The following HMGA2 variants were observed in gnomAD, a reference collection of about 807,000 sequenced individuals.
HMGA2 encodes the protein high mobility group protein HMGI-C.
A neutral mutation model predicts 19.1 loss-of-function variants in HMGA2; 8 were observed. The observed-to-expected ratio is 0.42, with a 90% CI of 0.25 to 0.76. The LOEUF is 0.76. Among genes scored for constraint, HMGA2 ranks in the 30% least tolerant of loss-of-function variants. The probability of loss-of-function intolerance (pLI) is 0.28; values close to 1 mark genes in which losing one functional copy is unlikely to be tolerated. For missense variants in HMGA2, 109 were observed against 136.3 expected, an observed-to-expected ratio of 0.80 and a Z score of 1.00; for synonymous variants, 60 against 48.8, an observed-to-expected ratio of 1.23 and a Z score of -0.96.
chr12:65,844,772 G>C (rs1003507374), intron 3 of HMGA2, among the ~76,000 whole-genome samples: 1 of 152,206 alleles, frequency 6.6e-6, no homozygotes, highest in African/African-American at 2.4e-5. Flanking sequence ...AGAGTCTGAA[G>C]CTCCAGTGGC....
intron 4 of HMGA2, chr12:65,957,716 G>T (rs185791172): frequency 1.8e-4 from 27 of 152,176 alleles, no homozygotes; most frequent in Non-Finnish European, 8.8e-5. Context: ...TAAAAAAATG[G>T]CCCTTTATCC....
chr12:65,907,816 G>T (rs1241800686), intron 3 of HMGA2, among the ~76,000 whole-genome samples: 1 of 152,144 alleles, frequency 6.6e-6, no homozygotes, highest in Non-Finnish European at 1.5e-5. Flanking sequence ...AGCTGCACTG[G>T]ATAGTAATGA....
At chr12:65,845,297 T>C (rs977572310) in intron 3 of HMGA2, among the ~76,000 whole-genome samples, 9 of 152,124 alleles carry the variant, frequency 5.9e-5, no homozygotes, top group Admixed American at 4.6e-4. Context: ...TCGAGACAGT[T>C]TCGCTCTGTC....
chr12:65,921,258 T>G (rs1875296885), intron 3 of HMGA2, among the ~76,000 whole-genome samples: 1 of 152,136 alleles, frequency 6.6e-6, no homozygotes, highest in African/African-American at 2.4e-5. Flanking sequence ...ATTCAGTTTT[T>G]GTTTTTGTTT....
At chr12:65,858,735 C>CA (rs34693274) in intron 3 of HMGA2, 1 of 152,130 alleles carries the variant, frequency 6.6e-6, no homozygotes, top group Non-Finnish European at 1.5e-5. Flanking sequence ...CATAAAACCA[C>CA]AAAAAACCTC....
At chr12:65,884,898 G>A (rs539705745) in intron 3 of HMGA2, among the ~76,000 whole-genome samples, 24 of 152,248 alleles carry the variant, frequency 1.6e-4, no homozygotes, top group Non-Finnish European at 2.4e-4. Flanking sequence ...TATGTAAAGT[G>A]CTTCAAATTG....
intron 3 of HMGA2, among the ~76,000 whole-genome samples, chr12:65,864,507 T>C (rs1018743929): frequency 2.0e-5 from 3 of 152,224 alleles, no homozygotes; most frequent in Non-Finnish European, 4.4e-5. Flanking sequence ...TTGACTATTT[T>C]GTAGATAGCA....
At chr12:65,891,953 G>A (rs547553264) in intron 3 of HMGA2, among the ~76,000 whole-genome samples, 81 of 152,318 alleles carry the variant, frequency 5.3e-4, no homozygotes, top group Non-Finnish European at 9.4e-4. Flanking sequence ...CCTGTTTGCT[G>A]CATCTCTCAG....
chr12:65,956,906 T>C (rs1876621437), intron 4 of HMGA2: 2 of 152,246 alleles, frequency 1.3e-5, no homozygotes, highest in Admixed American at 6.5e-5. Flanking sequence ...CCCAAATTAA[T>C]GTGGAACAAA....
At chr12:65,882,239 CT>C in intron 3 of HMGA2, 1 of 314,094 alleles carries the variant, frequency 3.2e-6, no homozygotes, top group South Asian at 3.0e-5. Flanking sequence ...CCCTGCCCAC[CT>C]TTTCTGTTCA....
chr12:65,857,651 T>C (rs766922021), intron 3 of HMGA2: 2 of 152,226 alleles, frequency 1.3e-5, no homozygotes, highest in African/African-American at 2.4e-5. Context: ...AATATTCATT[T>C]ATCAATTTGG....
chr12:65,931,451 T>C (rs75469196), intron 3 of HMGA2, among the ~76,000 whole-genome samples: 119 of 152,064 alleles, frequency 7.8e-4, no homozygotes, highest in African/African-American at 2.7e-3. Context: ...TTGAAAGACT[T>C]AAGAGATTTT....
chr12:65,863,219 TG>T lies in HMGA2; in HGVS notation c.249+24651del, dbSNP rs1364547139. 5.3e-5 allele frequency among the ~76,000 whole-genome samples: 8 copies of T among 152,380 alleles called. 1 individual carries two copies. The highest frequency in any genetic ancestry group is 1.9e-4 in the African/African-American group (8 of 41,598). ...TTTGCCTCTGGAAAAGTTAAGGTTT[TG>T]TTGTGCAATTAGCTTTACAGAATGG... On this transcript the variant is annotated intron_variant, in intron 3 of 4. Coordinates refer to ENST00000403681, the MANE Select transcript of HMGA2 (RefSeq NM_003483.6).
intron 3 of HMGA2, chr12:65,867,637 A>G (rs1227978175): frequency 1.5e-5 from 5 of 332,044 alleles, no homozygotes; most frequent in South Asian, 9.9e-5. Flanking sequence ...AGTGGAGGAT[A>G]TGAGTCTTGT....
intron 3 of HMGA2, among the ~76,000 whole-genome samples, chr12:65,950,934 T>A (rs1393037482): frequency 6.6e-6 from 1 of 152,122 alleles, no homozygotes; most frequent in Non-Finnish European, 1.5e-5. Flanking sequence ...GAATAGACAT[T>A]TTTGTTTTTT....
intron 3 of HMGA2, among the ~76,000 whole-genome samples, chr12:65,875,512 C>CTCACGGGT (rs1422878198): frequency 3.3e-5 from 5 of 150,470 alleles, no homozygotes; most frequent in Non-Finnish European, 4.4e-5. Context: ...CAACCTCCAC[C>CTCACGGGT]TCACGGGTTC....
chr12:65,952,462 G>T, intron 4 of HMGA2: 1 of 1,531,482 alleles, frequency 6.5e-7, no homozygotes, highest in African/African-American at 1.4e-5. Context: ...CACATGAAAG[G>T]ATCCAAGGAA....
chr12:65,862,438 T>G (rs1056738869), intron 3 of HMGA2, among the ~76,000 whole-genome samples: 1 of 152,156 alleles, frequency 6.6e-6, no homozygotes, highest in African/African-American at 2.4e-5. Flanking sequence ...CTAAATGTCT[T>G]AGGTAGTTCT....
chr12:65,953,412 G>C (rs1390902803), intron 4 of HMGA2: 1 of 152,258 alleles, frequency 6.6e-6, no homozygotes, highest in East Asian at 1.9e-4. Context: ...TTGAGTTGCA[G>C]AAGGGAAAAC....
Sources: gnomAD v4.1 joint callset for allele counts (sites outside exome capture counted in the v4.1 genomes callset) on GRCh38, gnomAD v4.1.1 for gene constraint, MANE v1.5 for transcripts, NCBI Gene and HGNC (gene_info 2026-07-23, HGNC 2026-07-21) for gene names.